Variants in TBCK observed in about 807,000 individuals in gnomAD.
TBCK encodes the protein TBC1 domain containing kinase.
TBCK carries 99 observed loss-of-function variants against 113.4 expected under a neutral mutation model. The ratio of observed to expected loss-of-function variants is 0.87; its 90% confidence interval spans 0.74 to 1.03. The LOEUF is 1.03. Ranked by LOEUF, TBCK falls within the 50% of genes least tolerant of loss-of-function variation. The probability of loss-of-function intolerance (pLI) is 0.00; values close to 1 mark genes in which losing one functional copy is unlikely to be tolerated. For missense variants in TBCK, 1,045 were observed against 1,061.3 expected, an observed-to-expected ratio of 0.98 and a Z score of 0.21; for synonymous variants, 369 against 370.8, an observed-to-expected ratio of 1.00 and a Z score of 0.05.
At chr4:106,247,503 C>T (rs1010585846) in intron 9 of TBCK, 1 of 427,454 alleles carries the variant, frequency 2.3e-6, no homozygotes, top group African/African-American at 2.1e-5. Context: ...TTGTACTTTA[C>T]CTCATGATGT....
At position 106,140,285 on chromosome 4, in the gene TBCK, T is replaced by TA. The variant is rs536344741; in HGVS notation, c.2236-23908dup. Among the ~76,000 whole-genome samples the TA allele has an allele frequency of 3.0e-3, 427 of 141,138 alleles. 79 individuals are homozygous for TA. The highest frequency in any genetic ancestry group is 4.0e-3 in the Non-Finnish European group (247 of 62,020). The allele number at this position is 141,138 out of a possible 152,430, so 92.6% of individuals were successfully genotyped here. A position where few individuals can be genotyped will look rare whatever the true frequency, so the allele number is the denominator to read the frequency against. On this transcript the variant is annotated intron_variant, in intron 23 of 25. Transcript: ENST00000394708. ...TACATTTCAACACATATATTTTATT[T>TA]AAAAAAAGTTTAAGTTCTTTTGCAT...
chr4:106,056,675 A>G (rs1162044678), intron 25 of TBCK, among the ~76,000 whole-genome samples: 1 of 151,068 alleles, frequency 6.6e-6, no homozygotes, highest in Non-Finnish European at 1.5e-5. Flanking sequence ...TTCTCTGCTG[A>G]CTGGTGGTAA....
intron 23 of TBCK, among the ~76,000 whole-genome samples, chr4:106,129,444 T>G (rs1208641114): frequency 6.6e-6 from 1 of 152,158 alleles, no homozygotes; most frequent in African/African-American, 2.4e-5. Flanking sequence ...TACAGCTAGA[T>G]GAAGCACTTC....
chr4:106,067,543 G>A lies in TBCK; in HGVS notation c.2572-20863C>T, dbSNP rs547796110. 2.6e-4 allele frequency among the ~76,000 whole-genome samples: 39 copies of A among 152,028 alleles called. 1 individual carries two copies. In the South Asian group the frequency reaches 6.4e-3, roughly 25 times the overall value. On this transcript the variant is annotated intron_variant, in intron 25 of 25. Coordinates refer to ENST00000394708, the MANE Select transcript of TBCK (RefSeq NM_001163435.3). The stretch of plus-strand genomic sequence containing the variant: ...CTTACTGTTTGTTGTCTGTGCTCTT[G>A]GTGTCATATGTAAGAAACCACTGTC...
chr4:106,310,963 T>C (rs1768137742), intron 1 of TBCK, among the ~76,000 whole-genome samples: 1 of 151,714 alleles, frequency 6.6e-6, no homozygotes, highest in Non-Finnish European at 1.5e-5. Context: ...TAAAGAGAAA[T>C]GGCCAATAGA....
At chr4:106,055,586 T>C (rs1475752289) in intron 25 of TBCK, among the ~76,000 whole-genome samples, 1 of 151,124 alleles carries the variant, frequency 6.6e-6, no homozygotes, top group Non-Finnish European at 1.5e-5. Context: ...ATATATATAA[T>C]TTTTTTTCTT....
At chr4:106,130,695 A>G (rs1483410731) in intron 23 of TBCK, among the ~76,000 whole-genome samples, 2 of 150,900 alleles carry the variant, frequency 1.3e-5, no homozygotes, top group Non-Finnish European at 2.9e-5. Context: ...GTTCTTCCTG[A>G]TTTTCTGTGT....
intron 24 of TBCK, among the ~76,000 whole-genome samples, chr4:106,105,792 C>T (rs1282235276): frequency 1.3e-5 from 2 of 152,176 alleles, no homozygotes; most frequent in Non-Finnish European, 2.9e-5. Flanking sequence ...AAGGAACACC[C>T]ACATGCAGAG....
intron 22 of TBCK, among the ~76,000 whole-genome samples, chr4:106,187,309 A>G (rs1753134673): frequency 6.6e-6 from 1 of 152,068 alleles, no homozygotes; most frequent in Non-Finnish European, 1.5e-5. Context: ...ATAGCACTGA[A>G]TCTATAAATT....
At chr4:106,083,782 C>G (rs1227342777) in intron 25 of TBCK, among the ~76,000 whole-genome samples, 1 of 152,104 alleles carries the variant, frequency 6.6e-6, no homozygotes, top group Non-Finnish European at 1.5e-5. Flanking sequence ...CATCTCCAGG[C>G]ACAGGAGCAA....
intron 25 of TBCK, among the ~76,000 whole-genome samples, chr4:106,057,624 CCTGA>C (rs1735579935): frequency 6.6e-6 from 1 of 151,654 alleles, no homozygotes; most frequent in South Asian, 2.1e-4. Context: ...AATACTCCCT[CCTGA>C]CTGTGGTCCT....
chr4:106,077,995 A>T (rs1738414101), intron 25 of TBCK, among the ~76,000 whole-genome samples: 1 of 152,202 alleles, frequency 6.6e-6, no homozygotes, highest in Admixed American at 6.5e-5. Flanking sequence ...CAATACTAAG[A>T]TCTATTAAAA....
rs1476004978 is a variant in TBCK, at chr4:106,247,287, C to A, written c.783G>T (p.Arg261Ser). ...NKCLTFHPSKRPTPDQLMKDK... is the reference protein window; with the variant it reads ...NKCLTFHPSKSPTPDQLMKDK... ...CCTTCATTAATTGATCTGGGGTTGG[C>A]CTTGAGAACATTTAAAATACAGAGC... Residue 261 changes from arginine (R) to serine (S), a missense_variant and splice_region_variant, in exon 10 of 26, where the codon AGG becomes AGT. Transcript: ENST00000394708. 1 of 1,610,272 alleles carries A rather than the reference C, an allele frequency of 6.2e-7. No individual in the cohort carries two copies. Among genetic ancestry groups the A allele is most frequent in the Non-Finnish European group, 8.5e-7 (1 of 1,177,614 alleles).
chr4:106,065,088 T>C (rs1319105112), intron 25 of TBCK, among the ~76,000 whole-genome samples: 1 of 152,026 alleles, frequency 6.6e-6, no homozygotes, highest in Non-Finnish European at 1.5e-5. Context: ...AGGTAACATT[T>C]GATTAATGTC....
intron 25 of TBCK, among the ~76,000 whole-genome samples, chr4:106,086,070 T>A (rs1354458345): frequency 6.6e-6 from 1 of 151,714 alleles, no homozygotes; most frequent in East Asian, 1.9e-4. Flanking sequence ...ATCCAAAAGC[T>A]AGCAGAAGAC....
chr4:106,108,482 A>T (rs1742445248), intron 24 of TBCK, among the ~76,000 whole-genome samples: 1 of 152,250 alleles, frequency 6.6e-6, no homozygotes, highest in African/African-American at 2.4e-5. Context: ...GTGATTCATT[A>T]CATAAGCAGA....
intron 22 of TBCK, among the ~76,000 whole-genome samples, chr4:106,183,279 T>C (rs776647088): frequency 3.3e-5 from 5 of 151,968 alleles, no homozygotes; most frequent in Non-Finnish European, 7.4e-5. Context: ...TCCAATTGCA[T>C]ATAAAATAAT....
intron 23 of TBCK, among the ~76,000 whole-genome samples, chr4:106,122,507 C>G (rs1023719617): frequency 6.6e-6 from 1 of 152,170 alleles, no homozygotes; most frequent in Admixed American, 6.5e-5. Context: ...AAGAGGGAAT[C>G]CTCCCTAACT....
intron 24 of TBCK, among the ~76,000 whole-genome samples, chr4:106,105,950 G>T (rs1209636080): frequency 3.3e-5 from 5 of 152,152 alleles, no homozygotes; most frequent in African/African-American, 1.2e-4. Context: ...AATATGGACA[G>T]GAACAAAGAT....
Sources: gnomAD v4.1 joint callset for allele counts (sites outside exome capture counted in the v4.1 genomes callset) on GRCh38, gnomAD v4.1.1 for gene constraint, MANE v1.5 for transcripts, NCBI Gene and HGNC (gene_info 2026-07-23, HGNC 2026-07-21) for gene names.